The following ARHGAP29 variants were observed in gnomAD, a reference collection of about 807,000 sequenced individuals.
The protein encoded by ARHGAP29 is Rho GTPase activating protein 29, also known as rho GTPase-activating protein 29.
A neutral mutation model predicts 122.6 loss-of-function variants in ARHGAP29; 43 were observed. That is an observed-to-expected ratio of 0.35 (90% confidence interval 0.27 to 0.45). The LOEUF is 0.45. Ranked by LOEUF, ARHGAP29 falls within the 20% of genes least tolerant of loss-of-function variation. ARHGAP29 has a pLI of 1.00. For synonymous variants in ARHGAP29, 506 were observed against 497.1 expected, an observed-to-expected ratio of 1.02 and a Z score of -0.24; for missense variants, 1,303 against 1,477.2, an observed-to-expected ratio of 0.88 and a Z score of 1.93.
At chr1:94,230,340 T>C (rs1255218813) in intron 2 of ARHGAP29, among the ~76,000 whole-genome samples, 1 of 151,780 alleles carries the variant, frequency 6.6e-6, no homozygotes, top group African/African-American at 2.4e-5. Context: ...ATCAAGCTAT[T>C]AAAATGAATG....
chr1:94,205,657 T>G lies in ARHGAP29; in HGVS notation c.537A>C (p.Ser179=). The change falls in exon 6 of 23, where the codon TCA becomes TCC. Residue 179 remains serine (S), a synonymous_variant. Coordinates refer to ENST00000260526, the MANE Select transcript of ARHGAP29 (RefSeq NM_004815.4). The part of the protein sequence containing the change: ...TKSFENVSVE[S]VDSSSEKGNF... ...TACCTTTTTCACTGGATGAGTCCACTGATTCCACAGAAACATTTTCAAACG... is the reference window on the plus strand; with the variant it reads ...TACCTTTTTCACTGGATGAGTCCACGGATTCCACAGAAACATTTTCAAACG... 1 of 1,612,816 alleles carries G rather than the reference T, an allele frequency of 6.2e-7. No individual in the cohort carries two copies. The highest frequency in any genetic ancestry group is 8.5e-7 in the Non-Finnish European group (1 of 1,179,362).
rs1392189525 is a variant in ARHGAP29, at chr1:94,188,763, G to A, written c.1681+74C>T. The stretch of plus-strand genomic sequence containing the variant: ...GTGTGAAAGTTCACTATAAAAACAA[G>A]GTAGTTAAAAAATACCTAAAAAAGG... On this transcript the variant is annotated intron_variant, in intron 15 of 22. Coordinates refer to ENST00000260526, the MANE Select transcript of ARHGAP29 (RefSeq NM_004815.4). The A allele has an allele frequency of 1.3e-5, 16 of 1,195,542 alleles. No homozygotes were observed. In the Admixed American group the frequency reaches 3.0e-4, roughly 22 times the overall value. 74.1% of individuals were successfully genotyped at this position (1,195,542 alleles called of 1,614,324 possible).
intron 3 of ARHGAP29, 109 bp downstream of exon 3, chr1:94,220,149 A>G (rs1003035081): frequency 6.6e-6 from 8 of 1,220,314 alleles, no homozygotes; most frequent in African/African-American, 1.5e-5. Context: ...ATTAACATAC[A>G]TCACACAAAT....
rs372126848 is a variant in ARHGAP29, at chr1:94,188,980, T to C, written c.1577-39A>G. ...AATAAAGTCAAAACTTGGCTACAGG[T>C]AGATTTCATAAGGTAAAATACTGAC... On this transcript the variant is annotated intron_variant, in intron 14 of 22. Transcript: ENST00000260526. 3.2e-6 allele frequency: 5 copies of C among 1,569,818 alleles called. No homozygotes were observed. The African/African-American group carries it at 5.4e-5, about 17-fold the overall frequency.
At chr1:94,279,393 A>G (rs1655281466), upstream of ARHGAP29, among the ~76,000 whole-genome samples, 1 of 152,154 alleles carries the variant, frequency 6.6e-6, no homozygotes, top group Non-Finnish European at 1.5e-5. Flanking sequence ...GCATATTTAA[A>G]TGTCATCTCC....
At chr1:94,276,477 G>T (rs1480232378), upstream of ARHGAP29, among the ~76,000 whole-genome samples, 1 of 150,080 alleles carries the variant, frequency 6.7e-6, no homozygotes, top group Non-Finnish European at 1.5e-5. Flanking sequence ...AGGAAGTCCT[G>T]AGTCTCAAGC....
At position 94,174,693 on chromosome 1, in the gene ARHGAP29, C is replaced by A. The variant is rs139412088; in HGVS notation, c.2962G>T (p.Asp988Tyr). 72 of 1,614,074 alleles carry A rather than the reference C, an allele frequency of 4.5e-5. No individual in the cohort carries two copies. In the African/African-American group the frequency reaches 8.7e-4, roughly 19 times the overall value. ...GAAAGTGGCTTAGGGGTTTTACCATCTTCTATCTTTTGGGATGCTGATTCA... is the reference window on the plus strand; with the variant it reads ...GAAAGTGGCTTAGGGGTTTTACCATATTCTATCTTTTGGGATGCTGATTCA... ...EAESASQKIE[D>Y]GKTPKPLSLK... Residue 988 changes from aspartate (D) to tyrosine (Y), a missense_variant, in exon 23 of 23, where the codon GAT (aspartate) becomes TAT (tyrosine). By Grantham distance (160) the Asp-to-Tyr change is radical. Transcript: ENST00000260526.
chr1:94,201,235 T>C (rs1650822905), intron 12 of ARHGAP29, among the ~76,000 whole-genome samples: 1 of 152,142 alleles, frequency 6.6e-6, no homozygotes, highest in Non-Finnish European at 1.5e-5. Context: ...TTTTAAACTC[T>C]CAGACTTCAA....
chr1:94,280,298 A>G, the ARHGAP29 span, among the ~76,000 whole-genome samples: 8 of 152,026 alleles, frequency 5.3e-5, no homozygotes, highest in Admixed American at 5.2e-4. Context: ...TTTTCAATTC[A>G]AGGGACTTTT....
intron 12 of ARHGAP29, among the ~76,000 whole-genome samples, chr1:94,197,870 C>T (rs1199941514): frequency 6.6e-6 from 1 of 152,136 alleles, no homozygotes; most frequent in Non-Finnish European, 1.5e-5. Context: ...CTTCAAAGAA[C>T]CTACAGCTAT....
At chr1:94,247,362 CACAACTCAG>C in intron 1 of ARHGAP29, among the ~76,000 whole-genome samples, 1 of 152,142 alleles carries the variant, frequency 6.6e-6, no homozygotes, top group Admixed American at 6.5e-5. Context: ...GCCGGCGTCA[CACAACTCAG>C]AGCGCGCACC....
chr1:94,208,734 A>T, intron 5 of ARHGAP29, 98 bp downstream of exon 5: 1 of 1,181,872 alleles, frequency 8.5e-7, no homozygotes, highest in Non-Finnish European at 1.2e-6. Context: ...TGCTGGGATT[A>T]CAGGTATGAG....
chr1:94,226,819 A>G (rs146004860), intron 2 of ARHGAP29, among the ~76,000 whole-genome samples: 24 of 152,114 alleles, frequency 1.6e-4, no homozygotes, highest in Non-Finnish European at 3.2e-4. Flanking sequence ...TCTAAGTGAT[A>G]TTCATTAGGA....
the ARHGAP29 span, among the ~76,000 whole-genome samples, chr1:94,291,730 T>A: frequency 1.3e-5 from 2 of 152,250 alleles, no homozygotes; most frequent in Non-Finnish European, 2.9e-5. Context: ...TGGCTGGATA[T>A]GAAATTCTGG....
At chr1:94,280,869 A>G in the ARHGAP29 span, among the ~76,000 whole-genome samples, 7 of 152,214 alleles carry the variant, frequency 4.6e-5, no homozygotes, top group African/African-American at 1.7e-4. Context: ...AGAGGATAGG[A>G]TGGAGTTGTC....
At chr1:94,248,173 T>G (rs1157597828) in intron 1 of ARHGAP29, 1 of 152,192 alleles carries the variant, frequency 6.6e-6, no homozygotes, top group African/African-American at 2.4e-5. Flanking sequence ...CCCCCACTCT[T>G]TTCTGTCTTC....
chr1:94,231,323 C>G, intron 2 of ARHGAP29, 84 bp downstream of exon 2: 1 of 1,118,580 alleles, frequency 8.9e-7, no homozygotes, highest in Non-Finnish European at 1.3e-6. Context: ...CTGTTCCTAC[C>G]ACTGTGTACA....
the ARHGAP29 span, among the ~76,000 whole-genome samples, chr1:94,305,667 A>T: frequency 1.1e-4 from 16 of 152,168 alleles, no homozygotes; most frequent in Admixed American, 9.8e-4. Context: ...GGCAGGGGGG[A>T]TGAATATAAG....
the ARHGAP29 span, among the ~76,000 whole-genome samples, chr1:94,295,874 T>C: frequency 3.9e-5 from 6 of 152,098 alleles, no homozygotes; most frequent in East Asian, 1.2e-3. Flanking sequence ...TAGAGAACCC[T>C]GAGGCAAGAA....
Sources: allele counts gnomAD v4.1 joint callset (sites outside exome capture counted in the v4.1 genomes callset), GRCh38; gene constraint gnomAD v4.1.1; transcripts MANE v1.5; gene names NCBI Gene and HGNC (gene_info 2026-07-23, HGNC 2026-07-21).